Variants in CLEC4F observed in about 807,000 individuals in gnomAD.
CLEC4F encodes the protein C-type (calcium dependent, carbohydrate-recognition domain) lectin, superfamily member 13.
A neutral mutation model predicts 53.4 loss-of-function variants in CLEC4F; 45 were observed. The observed-to-expected ratio is 0.84, with a 90% confidence interval of 0.66 to 1.08. CLEC4F has a LOEUF of 1.08. Ranked by LOEUF, CLEC4F falls within the 50% of genes least tolerant of loss-of-function variation. CLEC4F has a pLI of 0.00. For missense variants in CLEC4F, 753 were observed against 698.2 expected, an observed-to-expected ratio of 1.08 and a Z score of -0.88; for synonymous variants, 245 against 257.5, an observed-to-expected ratio of 0.95 and a Z score of 0.46.
chr2:70,811,925 A>C (rs1475729770), intron 5 of CLEC4F, among the ~76,000 whole-genome samples: 2 of 152,254 alleles, frequency 1.3e-5, no homozygotes, highest in Non-Finnish European at 2.9e-5. Context: ...AATACTCCCC[A>C]AAATTAGCCA....
chr2:70,821,507 G>T (rs13030555), upstream of CLEC4F, among the ~76,000 whole-genome samples: 1 of 152,168 alleles, frequency 6.6e-6, no homozygotes, highest in East Asian at 1.9e-4. Flanking sequence ...AAGGAGCTTA[G>T]GGATTGGTGA....
intron 4 of CLEC4F, among the ~76,000 whole-genome samples, chr2:70,814,102 G>C (rs1676764326): frequency 6.6e-6 from 1 of 152,224 alleles, no homozygotes; most frequent in South Asian, 2.1e-4. Context: ...GGCACAGCCT[G>C]ATCTATTCAA....
At position 70,809,220 on chromosome 2, in the gene CLEC4F, G is replaced by T; in HGVS notation, c.*51C>A. 1.3e-6 allele frequency: 2 copies of T among 1,597,768 alleles called. No homozygotes were observed. The highest frequency in any genetic ancestry group is 1.7e-6 in the Non-Finnish European group (2 of 1,172,224). ...CATCCCCTAGTGGCCCTAGGATGAG[G>T]ACAGGGCTGGGAGAAGGAGTACCCT... On this transcript the variant is annotated 3_prime_UTR_variant, in exon 7 of 7. Transcript: ENST00000272367.
Position 70,819,789 on chromosome 2 carries a change from G to T in CLEC4F, c.164C>A (p.Thr55Asn), listed in dbSNP as rs782320107. Residue 55 changes from threonine to asparagine, a missense_variant, in exon 2 of 7, where the codon ACT (threonine) becomes AAT (asparagine). Thr to Asn is a moderately conservative substitution (Grantham distance 65). Transcript: ENST00000272367. ...TGGGGGCTTACCCACTACAAAGAGA[G>T]TCACAAGAGAGAAGACCAAGGTCAC... The part of the protein sequence containing the change: ...MAVTLVFSLV[T>N]LFVVVQQQTR... 2.5e-6 allele frequency: 4 copies of T among 1,598,042 alleles called. No homozygotes were observed. Among genetic ancestry groups the T allele is most frequent in the Non-Finnish European group, 3.4e-6 (4 of 1,173,002 alleles).
intron 4 of CLEC4F, among the ~76,000 whole-genome samples, chr2:70,813,826 G>A (rs1022755817): frequency 6.6e-6 from 1 of 151,818 alleles, no homozygotes; most frequent in African/African-American, 2.4e-5. Flanking sequence ...ACAGGTGCCC[G>A]CCACCATGCC....
intron 6 of CLEC4F, 150 bp downstream of exon 6, chr2:70,809,588 AC>A: frequency 1.3e-6 from 1 of 776,872 alleles, no homozygotes; most frequent in South Asian, 1.6e-5. Context: ...CATACATGGC[AC>A]ACACACCACA....
chr2:70,815,351 C>T (rs983847288), intron 4 of CLEC4F, among the ~76,000 whole-genome samples: 2 of 152,062 alleles, frequency 1.3e-5, no homozygotes, highest in Non-Finnish European at 2.9e-5. Context: ...TTCCTTTTCC[C>T]TTCTTTTTGT....
chr2:70,819,777 A>C lies in CLEC4F; in HGVS notation c.176T>G (p.Val59Gly). 1 of 1,585,694 alleles carries C rather than the reference A, an allele frequency of 6.3e-7. No individual in the cohort carries two copies. Among genetic ancestry groups the C allele is most frequent in the South Asian group, 1.2e-5 (1 of 85,792 alleles). The change falls in exon 2 of 7, where the codon GTG (valine) becomes GGG (glycine). Residue 59 changes from valine (V) to glycine (G), a missense_variant and splice_region_variant. Transcript: ENST00000272367. The stretch of plus-strand genomic sequence containing the variant: ...ATTTGGGTCACCTGGGGGCTTACCC[A>C]CTACAAAGAGAGTCACAAGAGAGAA... ...LVFSLVTLFVVVQQQTRPVPK... is the reference protein window; with the variant it reads ...LVFSLVTLFVGVQQQTRPVPK...
rs1200110298 is a variant in CLEC4F, at chr2:70,809,911, C to T, written c.1540-54G>A. On this transcript the variant is annotated intron_variant, in intron 5 of 6. Transcript: ENST00000272367. The stretch of plus-strand genomic sequence containing the variant: ...CCCTGTGTGTGGGGAGCCAGTTTTC[C>T]AGGCCACCTGGAGAACCTGCTTATA... 25 of 1,188,586 alleles carry T rather than the reference C, an allele frequency of 2.1e-5. No homozygotes were observed. The Admixed American group carries it at 3.7e-4, about 18-fold the overall frequency. The allele number at this position is 1,188,586 out of a possible 1,614,324, so 73.6% of individuals were successfully genotyped here.
Position 70,816,791 on chromosome 2 carries a change from G to C in CLEC4F, c.590C>G (p.Thr197Arg). 1 of 1,614,058 alleles carries C rather than the reference G, an allele frequency of 6.2e-7. No homozygotes were observed. The highest frequency in any genetic ancestry group is 8.5e-7 in the Non-Finnish European group (1 of 1,180,010). The change falls in exon 4 of 7, where the codon ACG (threonine) becomes AGG (arginine). Residue 197 changes from threonine (T) to arginine (R), a missense_variant. Transcript: ENST00000272367. Reference protein sequence around the residue: ...LEKADALTFQTLNFLKSSLEN... With the variant: ...LEKADALTFQRLNFLKSSLEN... ...TAAACTGCTTTTTAAGAAATTCAGC[G>C]TCTGGAAAGTTAAAGCATCTGCCTT...
chr2:70,817,829 T>C (rs889473472), intron 3 of CLEC4F, among the ~76,000 whole-genome samples: 2 of 152,154 alleles, frequency 1.3e-5, no homozygotes, highest in South Asian at 2.1e-4. Context: ...CAGTGTTACA[T>C]AGGGCAAGGG....
At chr2:70,818,377 A>T (rs1558619252) in intron 3 of CLEC4F, among the ~76,000 whole-genome samples, 1 of 152,248 alleles carries the variant, frequency 6.6e-6, no homozygotes, top group Non-Finnish European at 1.5e-5. Context: ...TCACACCATT[A>T]TACAATAATT....
chr2:70,816,233 A>G lies in CLEC4F; in HGVS notation c.1148T>C (p.Met383Thr), dbSNP rs782774646. The G allele has an allele frequency of 5.0e-6, 8 of 1,614,162 alleles. No individual in the cohort carries two copies. In the East Asian group the frequency reaches 1.6e-4, roughly 31 times the overall value. The change falls in exon 4 of 7, where the codon ATG becomes ACG. Residue 383 changes from methionine (M) to threonine (T), a missense_variant. Coordinates refer to ENST00000272367, the MANE Select transcript of CLEC4F (RefSeq NM_173535.3). ...NAQIQVLNGH[M>T]KNASREIQTL... ...CTGTATCTCTCTGCTGGCATTTTTC[A>G]TATGACCATTTAAGACCTGAATCTG... is the stretch of plus-strand genomic sequence containing the variant.
upstream of CLEC4F, among the ~76,000 whole-genome samples, chr2:70,822,800 T>C (rs1677259025): frequency 6.6e-6 from 1 of 152,226 alleles, no homozygotes; most frequent in South Asian, 2.1e-4. Context: ...GTTCCATCCA[T>C]GTTGTGTTGT....
chr2:70,809,942 A>G (rs552307036), intron 5 of CLEC4F, 85 bp from the exon 6 acceptor site: 1 of 810,828 alleles, frequency 1.2e-6, no homozygotes, highest in Admixed American at 1.8e-5. Context: ...TTATAGATAT[A>G]CACATAATTA....
At chr2:70,813,959 G>A (rs566476635) in intron 4 of CLEC4F, among the ~76,000 whole-genome samples, 10 of 152,254 alleles carry the variant, frequency 6.6e-5, no homozygotes, top group African/African-American at 2.2e-4. Context: ...GATTACAGGC[G>A]TAAGCCACTG....
Position 70,812,442 on chromosome 2 carries a change from C to T in CLEC4F, c.1539+5G>A. ...CCAACAACACCCCATGCTCGCAGCT[C>T]TGACCTGCTCCTCCTTGGAGGCCAC... is the stretch of plus-strand genomic sequence containing the variant. On this transcript the variant is annotated splice_donor_5th_base_variant and intron_variant, in intron 5 of 6. Coordinates refer to ENST00000272367, the MANE Select transcript of CLEC4F (RefSeq NM_173535.3). 2 of 1,613,846 alleles carry T rather than the reference C, an allele frequency of 1.2e-6. No homozygotes were observed. Among genetic ancestry groups the T allele is most frequent in the Non-Finnish European group, 1.7e-6 (2 of 1,179,958 alleles).
intron 4 of CLEC4F, among the ~76,000 whole-genome samples, chr2:70,814,148 A>C (rs1676767661): frequency 6.6e-6 from 1 of 152,222 alleles, no homozygotes. Flanking sequence ...AGGATGGGTG[A>C]GTGATGAATT....
Position 70,809,091 on chromosome 2 carries a change from A to C in CLEC4F, c.*180T>G. On this transcript the variant is annotated 3_prime_UTR_variant, in exon 7 of 7. Coordinates refer to ENST00000272367, the MANE Select transcript of CLEC4F (RefSeq NM_173535.3). ...TCTTTTCCCAAAACCCGAAGACAACAGGGCTTTATACTGTTAGATGAAGGC... is the reference window on the plus strand; with the variant it reads ...TCTTTTCCCAAAACCCGAAGACAACCGGGCTTTATACTGTTAGATGAAGGC... 1.3e-6 allele frequency: 2 copies of C among 1,548,776 alleles called. No homozygotes were observed. The highest frequency in any genetic ancestry group is 1.7e-6 in the Non-Finnish European group (2 of 1,146,958).
Sources: allele counts gnomAD v4.1 joint callset (sites outside exome capture counted in the v4.1 genomes callset), GRCh38; gene constraint gnomAD v4.1.1; transcripts MANE v1.5; gene names NCBI Gene and HGNC (gene_info 2026-07-23, HGNC 2026-07-21).